Variants in NGEF observed in about 807,000 individuals in gnomAD.
NGEF encodes the protein ephexin-1.
In NGEF, 31 loss-of-function variants were observed where a neutral mutation model predicts 80.9. The ratio of observed to expected loss-of-function variants is 0.38; its 90% CI spans 0.29 to 0.52. The LOEUF (loss-of-function observed/expected upper bound fraction) is 0.52. Ranked by LOEUF, NGEF falls within the 20% of genes least tolerant of loss-of-function variation. The probability of loss-of-function intolerance (pLI) is 0.84; values close to 1 mark genes in which losing one functional copy is unlikely to be tolerated. For synonymous variants in NGEF, 371 were observed against 370.2 expected (o/e 1.00, Z -0.03); for missense variants, 709 against 926.2 (o/e 0.77, Z 3.04).
intron 5 of NGEF, chr2:232,905,762 TG>T: frequency 2.7e-6 from 1 of 372,020 alleles, no homozygotes; most frequent in Non-Finnish European, 5.4e-6. Flanking sequence ...CCGCCCTGTC[TG>T]GGATGTGAGG....
chr2:232,886,165 CTG>C (rs1442644038), intron 9 of NGEF, among the ~76,000 whole-genome samples: 5 of 150,016 alleles, frequency 3.3e-5, no homozygotes, highest in South Asian at 4.3e-4. Context: ...GCGGTGTGTA[CTG>C]TGTGTGATAT....
chr2:232,891,823 T>C (rs1691893543), intron 7 of NGEF, among the ~76,000 whole-genome samples: 1 of 152,108 alleles, frequency 6.6e-6, no homozygotes. Flanking sequence ...ACCCACGTAG[T>C]GACAGGAACG....
At chr2:232,885,155 G>T in intron 10 of NGEF, 125 bp downstream of exon 10, 2 of 824,796 alleles carry the variant, frequency 2.4e-6, no homozygotes, top group Non-Finnish European at 2.0e-6. Context: ...GGGCAGAGGG[G>T]ATCCTAAGTG....
intron 1 of NGEF, among the ~76,000 whole-genome samples, chr2:232,978,510 A>G (rs1694343038): frequency 6.6e-6 from 1 of 152,200 alleles, no homozygotes; most frequent in African/African-American, 2.4e-5. Flanking sequence ...GCGAGACTCC[A>G]TCTCAAAAAC....
chr2:232,987,356 G>A (rs1425100457), intron 1 of NGEF, among the ~76,000 whole-genome samples: 1 of 152,158 alleles, frequency 6.6e-6, no homozygotes, highest in African/African-American at 2.4e-5. Flanking sequence ...TTGCTGCTAA[G>A]GCCAAACAAA....
At chr2:233,000,680 A>C (rs1694954400) in intron 1 of NGEF, among the ~76,000 whole-genome samples, 1 of 151,836 alleles carries the variant, frequency 6.6e-6, no homozygotes, top group Non-Finnish European at 1.5e-5. Flanking sequence ...GAATGGCGTG[A>C]ACCTGGGAGG....
chr2:232,920,909 C>G (rs2106276872), intron 4 of NGEF, among the ~76,000 whole-genome samples: 1 of 152,330 alleles, frequency 6.6e-6, no homozygotes, highest in Non-Finnish European at 1.5e-5. Flanking sequence ...CACCCACCAC[C>G]AAGTTGATGG....
At position 233,010,254 on chromosome 2, in the gene NGEF, T is replaced by C. The variant is rs111885351; in HGVS notation, c.-75+2814A>G. Among the ~76,000 whole-genome samples, 649 of 152,198 alleles carry C rather than the reference T, an allele frequency of 4.3e-3. 8 individuals carry two copies. Among genetic ancestry groups the C allele is most frequent in the African/African-American group, 0.015 (623 of 41,540 alleles). ...CTGCCTCCACTGGCCCAACCCTTAC[T>C]GCAGGGCTCCCTCCCTTTTGCTAAA... is the stretch of plus-strand genomic sequence containing the variant. On this transcript the variant is annotated intron_variant, in intron 1 of 14. Transcript: ENST00000264051.
intron 3 of NGEF, among the ~76,000 whole-genome samples, chr2:232,969,386 A>T (rs1694134920): frequency 1.3e-5 from 2 of 151,982 alleles, no homozygotes; most frequent in Non-Finnish European, 2.9e-5. Flanking sequence ...CTGGGATTAC[A>T]GGCACAAGCT....
intron 5 of NGEF, among the ~76,000 whole-genome samples, chr2:232,911,693 G>C (rs1692694417): frequency 6.6e-6 from 1 of 152,102 alleles, no homozygotes; most frequent in African/African-American, 2.4e-5. Context: ...TCACTGATTT[G>C]TGGTTTTCAG....
At chr2:233,004,819 G>A (rs902993592) in intron 1 of NGEF, among the ~76,000 whole-genome samples, 3 of 152,028 alleles carry the variant, frequency 2.0e-5, no homozygotes, top group Admixed American at 1.3e-4. Context: ...CTTTCTTCGG[G>A]GCTGTGTGGA....
chr2:232,910,485 A>T lies in NGEF; in HGVS notation c.828+9799T>A, dbSNP rs554272142. On this transcript the variant is annotated intron_variant, in intron 5 of 14. Transcript: ENST00000264051. ...GGGGTAATGGGGGTGGGGGTTGGGGACCCCTGTGCTAGACATCCTGTGATG... is the reference window on the plus strand; with the variant it reads ...GGGGTAATGGGGGTGGGGGTTGGGGTCCCCTGTGCTAGACATCCTGTGATG... 1.4e-3 allele frequency among the ~76,000 whole-genome samples: 208 copies of T among 151,790 alleles called. 1 individual carries two copies. The highest frequency in any genetic ancestry group is 4.8e-3 in the African/African-American group (199 of 41,340).
intron 3 of NGEF, among the ~76,000 whole-genome samples, chr2:232,961,968 G>A (rs1409035715): frequency 2.6e-5 from 4 of 152,206 alleles, no homozygotes; most frequent in Non-Finnish European, 5.9e-5. Flanking sequence ...AAAGGATAAA[G>A]CGGCTCTGGT....
In NGEF at chr2:232,883,656, T is replaced by C. The variant is rs370657425; in HGVS notation, c.1602-190A>G. On this transcript the variant is annotated intron_variant, in intron 11 of 14. Coordinates refer to ENST00000264051, the MANE Select transcript of NGEF (RefSeq NM_019850.3). ...GGTGACCCATCCCAGGTGCGGACAG[T>C]GAACAGCACCACGGTCCTGCCAACC... Among the ~76,000 whole-genome samples the C allele has an allele frequency of 6.0e-4, 91 of 152,164 alleles. No homozygotes were observed. The South Asian group carries it at 0.018, about 30-fold the overall frequency.
At position 232,886,169 on chromosome 2, in the gene NGEF, G is replaced by T. The variant is rs539351385; in HGVS notation, c.1348-800C>A. On this transcript the variant is annotated intron_variant, in intron 9 of 14. Transcript: ENST00000264051. The stretch of plus-strand genomic sequence containing the variant: ...TGTATGCATGTGCGGTGTGTACTGT[G>T]TGTGATATGTATGTGCCATGTGTGC... Among the ~76,000 whole-genome samples, 11 of 152,058 alleles carry T rather than the reference G, an allele frequency of 7.2e-5. No homozygotes were observed. In the East Asian group the frequency reaches 2.1e-3, roughly 29 times the overall value.
chr2:233,012,388 G>A (rs1458172281), intron 1 of NGEF, among the ~76,000 whole-genome samples: 1 of 152,204 alleles, frequency 6.6e-6, no homozygotes, highest in Admixed American at 6.5e-5. Context: ...TGTGGCTTGA[G>A]GCCAGCCAGA....
intron 5 of NGEF, among the ~76,000 whole-genome samples, chr2:232,909,196 A>G (rs1480629375): frequency 2.6e-5 from 4 of 152,092 alleles, no homozygotes; most frequent in Non-Finnish European, 5.9e-5. Flanking sequence ...ATAAATTTGA[A>G]ATTTTCTTTA....
At chr2:232,921,151 C>G (rs1692934205) in intron 4 of NGEF, among the ~76,000 whole-genome samples, 1 of 152,186 alleles carries the variant, frequency 6.6e-6, no homozygotes, top group African/African-American at 2.4e-5. Flanking sequence ...TGAATGCTTT[C>G]CAGTCTCTTA....
At chr2:232,904,529 C>T (rs1476574384) in intron 5 of NGEF, among the ~76,000 whole-genome samples, 1 of 152,170 alleles carries the variant, frequency 6.6e-6, no homozygotes, top group East Asian at 1.9e-4. Context: ...ACACCCAGCC[C>T]CTTCCCAACC....
Sources: allele counts gnomAD v4.1 joint callset (sites outside exome capture counted in the v4.1 genomes callset), GRCh38; gene constraint gnomAD v4.1.1; transcripts MANE v1.5; gene names NCBI Gene and HGNC (gene_info 2026-07-23, HGNC 2026-07-21).